The following PRKG1 variants were observed in gnomAD, a reference collection of about 807,000 sequenced individuals.
PRKG1 encodes the protein protein kinase cGMP-dependent 1, also known as cGMP-dependent protein kinase 1.
Under a neutral mutation model 88.1 loss-of-function variants are expected in PRKG1, and 35 were observed. The observed-to-expected ratio is 0.40, with a 90% CI of 0.30 to 0.53. The LOEUF (loss-of-function observed/expected upper bound fraction) is 0.53, where lower values mean the gene tolerates loss of function less well. Among genes scored for constraint, PRKG1 ranks in the 20% least tolerant of loss-of-function variants. PRKG1 has a pLI of 0.59. For synonymous variants in PRKG1, 303 were observed against 292.5 expected, an observed-to-expected ratio of 1.04 and a Z score of -0.37; for missense variants, 540 against 839.8, an observed-to-expected ratio of 0.64 and a Z score of 4.41.
chr10:52,101,285 G>A (rs1904012), intron 7 of PRKG1, among the ~76,000 whole-genome samples: 151,790 of 152,284 alleles, frequency 1, 75,648 homozygotes, highest in Middle Eastern at 1. Context: ...ACAGGTATCC[G>A]TTGGCCCCAT....
intron 2 of PRKG1, among the ~76,000 whole-genome samples, chr10:51,300,834 G>GTGT (rs996929411): frequency 6.6e-6 from 1 of 152,236 alleles, no homozygotes; most frequent in Non-Finnish European, 1.5e-5. Context: ...CATTCCTGAT[G>GTGT]TGTTGATTCC....
intron 3 of PRKG1, among the ~76,000 whole-genome samples, chr10:51,552,824 G>A (rs370522750): frequency 2.6e-5 from 4 of 151,634 alleles, no homozygotes; most frequent in South Asian, 4.2e-4. Flanking sequence ...TTCTTCTACC[G>A]TATTTTTACT....
intron 5 of PRKG1, among the ~76,000 whole-genome samples, chr10:52,031,992 G>A (rs1845486452): frequency 6.6e-6 from 1 of 152,084 alleles, no homozygotes; most frequent in Non-Finnish European, 1.5e-5. Context: ...GAGGGAGAGG[G>A]GGTATTTAAA....
intron 7 of PRKG1, among the ~76,000 whole-genome samples, chr10:52,093,698 G>C (rs1437028085): frequency 2.0e-5 from 3 of 152,078 alleles, no homozygotes; most frequent in African/African-American, 7.2e-5. Context: ...AATCACCTCT[G>C]TTTATTACTT....
At chr10:52,239,614 T>G (rs1198518475) in intron 9 of PRKG1, among the ~76,000 whole-genome samples, 1 of 147,944 alleles carries the variant, frequency 6.8e-6, no homozygotes, top group African/African-American at 2.5e-5. Context: ...TTACCAACAA[T>G]TAAAAAATGG....
At chr10:51,389,383 A>G (rs1837338771) in intron 2 of PRKG1, among the ~76,000 whole-genome samples, 1 of 152,092 alleles carries the variant, frequency 6.6e-6, no homozygotes, top group South Asian at 2.1e-4. Context: ...CAGATAGAAA[A>G]CCTAAAAATA....
At chr10:51,092,477 A>G (rs1240108254) in intron 1 of PRKG1, among the ~76,000 whole-genome samples, 1 of 152,174 alleles carries the variant, frequency 6.6e-6, no homozygotes, top group Non-Finnish European at 1.5e-5. Flanking sequence ...GACATAACTG[A>G]TTTAGGTGGC....
At chr10:51,041,239 G>T (rs2132758246) in intron 1 of PRKG1, among the ~76,000 whole-genome samples, 1 of 152,254 alleles carries the variant, frequency 6.6e-6, no homozygotes, top group Non-Finnish European at 1.5e-5. Context: ...TTCTGGTCCA[G>T]GGCAGGTCTG....
In PRKG1 at chr10:52,049,307, T is replaced by C. The variant is rs112291455; in HGVS notation, c.763-5177T>C. 3.9e-5 allele frequency among the ~76,000 whole-genome samples: 6 copies of C among 152,062 alleles called. 1 individual carries two copies. The highest frequency in any genetic ancestry group is 1.4e-4 in the African/African-American group (6 of 41,468). ...GGAGGAGTGCTAGAGAAAGGACCAG[T>C]TGAGTGCAAAGTCCCTAGAAGGGAT... On this transcript the variant is annotated intron_variant, in intron 5 of 17. Transcript: ENST00000373980.
In PRKG1 at chr10:52,041,978, A is replaced by G. The variant is rs558372299; in HGVS notation, c.763-12506A>G. ...ATAGCTTCACACACACAAAAATTAG[A>G]TACCTAGGAATAAATTTAACCAAGG... On this transcript the variant is annotated intron_variant, in intron 5 of 17. Coordinates refer to ENST00000373980, the MANE Select transcript of PRKG1 (RefSeq NM_006258.4). 2.6e-4 allele frequency among the ~76,000 whole-genome samples: 39 copies of G among 152,274 alleles called. No individual in the cohort carries two copies. In the East Asian group the frequency reaches 7.3e-3, roughly 29 times the overall value.
chr10:52,255,804 G>A (rs1841293750), intron 10 of PRKG1, among the ~76,000 whole-genome samples: 1 of 151,872 alleles, frequency 6.6e-6, no homozygotes, highest in Non-Finnish European at 1.5e-5. Context: ...GATGCATTAT[G>A]GAACATACTT....
Position 52,188,936 on chromosome 10 carries a change from CAG to C in PRKG1, c.1076+26977_1076+26978del, listed in dbSNP as rs140818300. 1.8e-3 allele frequency among the ~76,000 whole-genome samples: 271 copies of C among 152,236 alleles called. 5 individuals carry two copies. The East Asian group carries it at 0.038, about 22-fold the overall frequency. On this transcript the variant is annotated intron_variant, in intron 9 of 17. Transcript: ENST00000373980. ...CAATATGTCAGACATGTACCAGGCA[CAG>C]AGAATACGAAACCCAAGTTCTGTTC... is the stretch of plus-strand genomic sequence containing the variant.
intron 9 of PRKG1, among the ~76,000 whole-genome samples, chr10:52,179,743 C>T (rs528149843): frequency 8.5e-5 from 13 of 152,284 alleles, no homozygotes; most frequent in African/African-American, 2.9e-4. Context: ...GGCTGGAGTG[C>T]AGTGGTTCAA....
At chr10:51,396,198 T>C (rs1837571711) in intron 2 of PRKG1, among the ~76,000 whole-genome samples, 1 of 151,954 alleles carries the variant, frequency 6.6e-6, no homozygotes, top group Non-Finnish European at 1.5e-5. Flanking sequence ...TCAGCCTGGG[T>C]TTCATAGTGA....
rs7090313 is a variant in PRKG1 at position 51,127,176 on chromosome 10, A to G, written c.312-25988A>G. ...AAATTATCATCAGGGTGAACAGGCA[A>G]TCCAGAGAATGGGAGAAAATTTTTG... On this transcript the variant is annotated intron_variant, in intron 1 of 17. Coordinates refer to ENST00000373980, the MANE Select transcript of PRKG1 (RefSeq NM_006258.4). 1.4e-3 allele frequency among the ~76,000 whole-genome samples: 217 copies of G among 152,304 alleles called. 1 individual carries two copies. Among genetic ancestry groups the G allele is most frequent in the African/African-American group, 5.0e-3 (208 of 41,560 alleles).
At chr10:51,018,050 G>A (rs1265635393) in intron 1 of PRKG1, among the ~76,000 whole-genome samples, 1 of 151,966 alleles carries the variant, frequency 6.6e-6, no homozygotes, top group Non-Finnish European at 1.5e-5. Flanking sequence ...TTGAACTCCT[G>A]GGCTCAAGCA....
rs115648002 is a variant in PRKG1 at position 51,560,351 on chromosome 10, C to T, written c.592+92515C>T. 4.6e-3 allele frequency among the ~76,000 whole-genome samples: 701 copies of T among 152,162 alleles called. 7 individuals carry two copies. The highest frequency in any genetic ancestry group is 0.016 in the African/African-American group (660 of 41,546). On this transcript the variant is annotated intron_variant, in intron 3 of 17. Coordinates refer to ENST00000373980, the MANE Select transcript of PRKG1 (RefSeq NM_006258.4). ...ACAAAAGCCAAGCTAATTTCTAGAA[C>T]ATGTAAGAAAAAGTAAACTTGATTT...
chr10:51,543,653 T>C (rs1347841739), intron 3 of PRKG1, among the ~76,000 whole-genome samples: 1 of 152,214 alleles, frequency 6.6e-6, no homozygotes, highest in African/African-American at 2.4e-5. Flanking sequence ...ATTTGAGGTC[T>C]CAGTGATTGT....
intron 3 of PRKG1, among the ~76,000 whole-genome samples, chr10:51,802,594 C>T (rs764512257): frequency 1.3e-5 from 2 of 151,988 alleles, no homozygotes; most frequent in African/African-American, 2.4e-5. Flanking sequence ...TTGCCTAATG[C>T]CTACCAAATG....
Sources: gnomAD v4.1 joint callset for allele counts (sites outside exome capture counted in the v4.1 genomes callset) on GRCh38, gnomAD v4.1.1 for gene constraint, MANE v1.5 for transcripts, NCBI Gene and HGNC (gene_info 2026-07-23, HGNC 2026-07-21) for gene names.